Variants in DLG2 observed in about 807,000 individuals in gnomAD.
DLG2 encodes the protein disks large homolog 2.
DLG2 carries 45 observed loss-of-function variants against 132.5 expected under a neutral mutation model. The ratio of observed to expected loss-of-function variants is 0.34; its 90% CI spans 0.27 to 0.44. The LOEUF is 0.44. Ranked by LOEUF, DLG2 falls within the 20% of genes least tolerant of loss-of-function variation. The pLI, the probability that DLG2 is intolerant of heterozygous loss-of-function variation, is 1.00. For missense variants in DLG2, 1,045 were observed against 1,196.9 expected (o/e 0.87, Z 1.87); for synonymous variants, 424 against 419.6 (o/e 1.01, Z -0.13).
At chr11:84,819,243 C>T (rs1424075389) in intron 6 of DLG2, among the ~76,000 whole-genome samples, 1 of 151,870 alleles carries the variant, frequency 6.6e-6, no homozygotes, top group Admixed American at 6.6e-5. Flanking sequence ...ACTCTGAAGT[C>T]TATGATGTTT....
intron 7 of DLG2, among the ~76,000 whole-genome samples, chr11:84,327,847 T>C (rs1342386095): frequency 1.3e-5 from 2 of 152,250 alleles, no homozygotes; most frequent in Non-Finnish European, 2.9e-5. Flanking sequence ...ACACAGTAAC[T>C]GTAGTACTAA....
At chr11:85,393,571 C>T (rs1565424396) in intron 3 of DLG2, among the ~76,000 whole-genome samples, 2 of 151,558 alleles carry the variant, frequency 1.3e-5, no homozygotes, top group South Asian at 4.2e-4. Flanking sequence ...AGCCCAAATG[C>T]CCAACAATCA....
At chr11:85,468,206 T>C (rs955536108) in intron 3 of DLG2, among the ~76,000 whole-genome samples, 3 of 152,182 alleles carry the variant, frequency 2.0e-5, no homozygotes, top group Admixed American at 2.0e-4. Context: ...CTCTCCTTTC[T>C]TCTTTATTAG....
At chr11:84,158,062 G>A (rs899278096) in intron 9 of DLG2, among the ~76,000 whole-genome samples, 1 of 148,974 alleles carries the variant, frequency 6.7e-6, no homozygotes, top group African/African-American at 2.5e-5. Context: ...TTTGTGTTTT[G>A]TTTTTTTGGT....
intron 21 of DLG2, among the ~76,000 whole-genome samples, chr11:83,512,960 T>C (rs2095113741): frequency 6.6e-6 from 1 of 152,220 alleles, no homozygotes; most frequent in African/African-American, 2.4e-5. Flanking sequence ...GTTCCAAGTC[T>C]TTGCTATTGT....
intron 4 of DLG2, among the ~76,000 whole-genome samples, chr11:85,206,289 T>C (rs1004472258): frequency 6.6e-6 from 1 of 152,160 alleles, no homozygotes; most frequent in Admixed American, 6.6e-5. Flanking sequence ...ACCTATTTTC[T>C]TTATAAATTA....
chr11:83,750,985 C>T (rs1433750223), intron 18 of DLG2, among the ~76,000 whole-genome samples: 2 of 152,078 alleles, frequency 1.3e-5, no homozygotes, highest in African/African-American at 4.8e-5. Context: ...ACTCTCTGTC[C>T]TCACTGAACT....
At chr11:84,178,228 T>C (rs1160857538) in intron 8 of DLG2, among the ~76,000 whole-genome samples, 1 of 152,042 alleles carries the variant, frequency 6.6e-6, no homozygotes, top group Admixed American at 6.6e-5. Context: ...TTGAAAACAA[T>C]AGTGATTTCA....
At chr11:85,248,088 C>A (rs2076224837) in intron 4 of DLG2, among the ~76,000 whole-genome samples, 1 of 152,062 alleles carries the variant, frequency 6.6e-6, no homozygotes, top group African/African-American at 2.4e-5. Flanking sequence ...TACTCATTAT[C>A]TATTATATCT....
intron 3 of DLG2, among the ~76,000 whole-genome samples, chr11:85,519,136 G>C (rs894284586): frequency 2.6e-5 from 4 of 152,286 alleles, no homozygotes; most frequent in South Asian, 4.2e-4. Context: ...GCCCCACACA[G>C]AGTCCCTACT....
intron 6 of DLG2, among the ~76,000 whole-genome samples, chr11:84,815,343 C>G (rs1455063515): frequency 6.6e-6 from 1 of 152,010 alleles, no homozygotes; most frequent in Admixed American, 6.6e-5. Flanking sequence ...GACATGGAAT[C>G]CTGGTTTAGT....
At chr11:85,339,394 T>G (rs184242588) in intron 3 of DLG2, among the ~76,000 whole-genome samples, 1 of 152,326 alleles carries the variant, frequency 6.6e-6, no homozygotes, top group East Asian at 1.9e-4. Context: ...ATTACTGGGC[T>G]GAAAGGTAAA....
At chr11:85,496,093 C>T (rs527812076) in intron 3 of DLG2, among the ~76,000 whole-genome samples, 44 of 152,288 alleles carry the variant, frequency 2.9e-4, no homozygotes, top group Admixed American at 2.5e-3. Flanking sequence ...AAGCAGGGCA[C>T]GGTGTCACAT....
rs181579760 is a variant in DLG2, at chr11:85,129,402, T to A, written c.283-17667A>T. On this transcript the variant is annotated intron_variant, in intron 5 of 27. Transcript: ENST00000376104. ...GGGGTAAGATCTAAGGTGGGATTATTTTATCAGAGCATTTACACAAAATCC... is the reference window on the plus strand; with the variant it reads ...GGGGTAAGATCTAAGGTGGGATTATATTATCAGAGCATTTACACAAAATCC... Among the ~76,000 whole-genome samples the A allele has an allele frequency of 3.4e-3, 512 of 152,332 alleles. 1 individual carries two copies. Among genetic ancestry groups the A allele is most frequent in the African/African-American group, 0.012 (490 of 41,570 alleles).
At chr11:84,566,604 A>C (rs2099457024) in intron 6 of DLG2, among the ~76,000 whole-genome samples, 1 of 152,182 alleles carries the variant, frequency 6.6e-6, no homozygotes, top group Non-Finnish European at 1.5e-5. Flanking sequence ...CTGACTTCCC[A>C]AGATTTGAGT....
intron 11 of DLG2, among the ~76,000 whole-genome samples, chr11:84,053,458 C>T (rs2096439731): frequency 6.6e-6 from 1 of 151,904 alleles, no homozygotes; most frequent in South Asian, 2.1e-4. Context: ...AAAAGAACCT[C>T]TCATAGTATT....
intron 18 of DLG2, among the ~76,000 whole-genome samples, chr11:83,688,234 CTT>C (rs1488654520): frequency 1.3e-5 from 2 of 152,144 alleles, no homozygotes; most frequent in Admixed American, 6.6e-5. Flanking sequence ...TTTCCTTAGT[CTT>C]GTCCCCTTCC....
chr11:85,431,696 G>A (rs923877284), intron 3 of DLG2, among the ~76,000 whole-genome samples: 1 of 152,256 alleles, frequency 6.6e-6, no homozygotes, highest in East Asian at 1.9e-4. Context: ...CGGGAGTGGT[G>A]CCACAGTCTC....
rs1377720320 is a variant in DLG2 at position 83,874,242 on chromosome 11, A to AAG, written c.1565+177_1565+178insCT. Among the ~76,000 whole-genome samples the AAG allele has an allele frequency of 5.4e-4, 16 of 29,474 alleles. No homozygotes were observed. In the South Asian group the frequency reaches 0.024, roughly 44 times the overall value. The allele number at this position is 29,474 out of a possible 152,430, so 19.3% of individuals were successfully genotyped here. A position where few individuals can be genotyped will look rare whatever the true frequency, so the allele number is the denominator to read the frequency against. The stretch of plus-strand genomic sequence containing the variant: ...AAAAGAAAGAAAGAAAGACAAAGAA[A>AAG]GAAGGGAAGGAAGGAAGGAAAGAAG... On this transcript the variant is annotated intron_variant, in intron 16 of 27. Transcript: ENST00000376104.
Sources: allele counts gnomAD v4.1 joint callset (sites outside exome capture counted in the v4.1 genomes callset), GRCh38; gene constraint gnomAD v4.1.1; transcripts MANE v1.5; gene names NCBI Gene and HGNC (gene_info 2026-07-23, HGNC 2026-07-21).